The following OR51B5 variants were observed in gnomAD, a reference collection of about 807,000 sequenced individuals.
OR51B5 encodes the protein olfactory receptor 51B5.
For synonymous variants in OR51B5, 186 were observed against 144.8 expected (o/e 1.28, Z -2.04); for missense variants, 456 against 374.6 (o/e 1.22, Z -1.79).
At chr11:5,434,940 G>A (rs1850573284) in intron 1 of OR51B5, among the ~76,000 whole-genome samples, 1 of 152,194 alleles carries the variant, frequency 6.6e-6, no homozygotes, top group East Asian at 1.9e-4. Context: ...AGATGCTGGA[G>A]AAGTCGGTTA....
At chr11:5,419,203 A>G (rs1850292217) in intron 1 of OR51B5, among the ~76,000 whole-genome samples, 1 of 152,230 alleles carries the variant, frequency 6.6e-6, no homozygotes, top group Admixed American at 6.5e-5. Context: ...ACATCCCAAA[A>G]TCATGATGAC....
intron 1 of OR51B5, among the ~76,000 whole-genome samples, chr11:5,464,611 T>A (rs1378791682): frequency 6.6e-6 from 1 of 152,000 alleles, no homozygotes; most frequent in African/African-American, 2.4e-5. Context: ...ACAAAGGACA[T>A]GAACTCATCA....
chr11:5,363,151 G>C (rs1052121479), intron 1 of OR51B5, among the ~76,000 whole-genome samples: 1 of 151,618 alleles, frequency 6.6e-6, no homozygotes, highest in African/African-American at 2.4e-5. Flanking sequence ...AAAACTCAAA[G>C]TTTTACGAAC....
At chr11:5,375,032 C>G (rs1776411995) in intron 1 of OR51B5, among the ~76,000 whole-genome samples, 1 of 151,390 alleles carries the variant, frequency 6.6e-6, no homozygotes, top group African/African-American at 2.4e-5. Flanking sequence ...ACATAATTGT[C>G]AGATTCACCA....
chr11:5,389,296 G>A, intron 1 of OR51B5: 4 of 1,105,922 alleles, frequency 3.6e-6, no homozygotes, highest in African/African-American at 3.1e-5. Context: ...TAATACTAAA[G>A]GTGATGATGA....
intron 1 of OR51B5, among the ~76,000 whole-genome samples, chr11:5,501,887 G>A (rs1846296340): frequency 6.7e-6 from 1 of 149,194 alleles, no homozygotes; most frequent in South Asian, 2.1e-4. Context: ...ATTTACATTA[G>A]GTATTTCTTC....
rs768441462 is a variant in OR51B5, at chr11:5,422,658, G to T, written n.85-75748C>A. 62 of 1,613,886 alleles carry T rather than the reference G, an allele frequency of 3.8e-5. No individual in the cohort carries two copies. The highest frequency in any genetic ancestry group is 6.7e-5 in the Admixed American group (4 of 59,990). ...AGAACTGGGTTAGCCATCATTTGCT[G>T]CTGTGTTCTGGCGGTTCTTCCCTCC... On this transcript the variant is annotated intron_variant and non_coding_transcript_variant, in intron 1 of 4. Coordinates refer to the OR51B5 transcript ENST00000415970.
intron 1 of OR51B5, among the ~76,000 whole-genome samples, chr11:5,488,405 G>A (rs747446628): frequency 2.0e-5 from 3 of 152,150 alleles, no homozygotes; most frequent in Non-Finnish European, 4.4e-5. Flanking sequence ...TGATGTGCAG[G>A]ATATGGAGGG....
At chr11:5,422,467 C>T (rs1450422050) in intron 1 of OR51B5, 1 of 1,614,204 alleles carries the variant, frequency 6.2e-7, no homozygotes, top group African/African-American at 1.3e-5. Flanking sequence ...TTCTCTGGTT[C>T]AACGTTCGTA....
Position 5,496,147 on chromosome 11 carries a change from G to T in OR51B5, n.84+9422C>A, listed in dbSNP as rs527671859. Among the ~76,000 whole-genome samples the T allele has an allele frequency of 1.5e-3, 196 of 127,908 alleles. 6 individuals carry two copies. The South Asian group carries it at 0.056, about 37-fold the overall frequency. 83.9% of individuals were successfully genotyped at this position (127,908 alleles called of 152,430 possible). A position where few individuals can be genotyped will look rare whatever the true frequency, so the allele number is the denominator to read the frequency against. The stretch of plus-strand genomic sequence containing the variant: ...TCCCCTCATGCTTCTTGCTTGTGTA[G>T]TCCACGTTGACTCTCAATGGAGGTA... On this transcript the variant is annotated intron_variant and non_coding_transcript_variant, in intron 1 of 4. Transcript: ENST00000415970.
upstream of OR51B5, among the ~76,000 whole-genome samples, chr11:5,347,163 A>G (rs1849005724): frequency 6.6e-6 from 1 of 152,186 alleles, no homozygotes; most frequent in Admixed American, 6.6e-5. Flanking sequence ...TCATAGCCCC[A>G]GCAGACTCTG....
chr11:5,354,796 GACAA>G (rs111689261), intron 1 of OR51B5: 2,245 of 194,712 alleles, frequency 0.012, 56 homozygotes, highest in African/African-American at 0.051. Flanking sequence ...TGAGACAAAA[GACAA>G]ACAGTTTGAA....
chr11:5,399,991 G>A (rs577767745), intron 1 of OR51B5, among the ~76,000 whole-genome samples: 1 of 152,290 alleles, frequency 6.6e-6, no homozygotes, highest in South Asian at 2.1e-4. Context: ...TCCAGAGGCA[G>A]ATCAATATTT....
rs758468203 is a variant in OR51B5, at chr11:5,488,927, T to C, written n.84+16642A>G. 1.2e-6 allele frequency: 2 copies of C among 1,614,086 alleles called. No homozygotes were observed. Among genetic ancestry groups the C allele is most frequent in the East Asian group, 4.5e-5 (2 of 44,866 alleles). Reference sequence around the variant, plus strand: ...CTCTGCCTTCTCTCACTCACAGACCTGGCTCTCAGTTCTACCACTGTGCCC... The same window carrying C: ...CTCTGCCTTCTCTCACTCACAGACCCGGCTCTCAGTTCTACCACTGTGCCC... On this transcript the variant is annotated intron_variant and non_coding_transcript_variant, in intron 1 of 4. Transcript: ENST00000415970.
intron 1 of OR51B5, among the ~76,000 whole-genome samples, chr11:5,478,533 GA>G (rs1590020062): frequency 1.2e-5 from 1 of 84,476 alleles, no homozygotes; most frequent in East Asian, 2.1e-4. Flanking sequence ...CGAGCTGAGA[GA>G]AGAAGGCTTC....
At chr11:5,403,229 G>A (rs1220520464) in intron 1 of OR51B5, 1 of 471,378 alleles carries the variant, frequency 2.1e-6, no homozygotes. Flanking sequence ...CTTTTGGGCT[G>A]GATTCGTTGC....
At position 5,402,314 on chromosome 11, in the gene OR51B5, C is replaced by G. The variant is rs570050121; in HGVS notation, n.85-55404G>C. The stretch of plus-strand genomic sequence containing the variant: ...ACAGGCATGAGCCACTGCACCTGAT[C>G]AGACACATAATTTTCTTTCTGCCTA... On this transcript the variant is annotated intron_variant and non_coding_transcript_variant, in intron 1 of 4. Transcript: ENST00000415970. 2.6e-5 allele frequency among the ~76,000 whole-genome samples: 4 copies of G among 152,310 alleles called. No homozygotes were observed. In the East Asian group the frequency reaches 7.7e-4, roughly 29 times the overall value.
intron 1 of OR51B5, among the ~76,000 whole-genome samples, chr11:5,363,824 A>T (rs898384611): frequency 6.6e-6 from 1 of 152,200 alleles, no homozygotes; most frequent in Non-Finnish European, 1.5e-5. Context: ...TTAGTGTACA[A>T]TAGAAAGCAA....
At chr11:5,489,447 C>T (rs1851546277) in intron 1 of OR51B5, 2 of 1,614,090 alleles carry the variant, frequency 1.2e-6, no homozygotes, top group Non-Finnish European at 1.7e-6. Flanking sequence ...GTGGCTCCCA[C>T]ATTGGCATCA....
Sources: allele counts gnomAD v4.1 joint callset (sites outside exome capture counted in the v4.1 genomes callset), GRCh38; gene constraint gnomAD v4.1.1; transcripts MANE v1.5; gene names NCBI Gene and HGNC (gene_info 2026-07-23, HGNC 2026-07-21).